Variants in ANKH observed in about 807,000 individuals in gnomAD.
ANKH encodes ANKH inorganic pyrophosphate transport regulator, also known as mineralization regulator ANKH.
In ANKH, 15 loss-of-function variants were observed where a neutral mutation model predicts 49.0. That is an observed-to-expected ratio of 0.31 (90% CI 0.20 to 0.47). The LOEUF (loss-of-function observed/expected upper bound fraction) is 0.47, where lower values mean the gene tolerates loss of function less well. Among genes scored for constraint, ANKH ranks in the 20% least tolerant of loss-of-function variants. ANKH has a pLI of 1.00. For missense variants in ANKH, 429 were observed against 652.0 expected (o/e 0.66, Z 3.72); for synonymous variants, 273 against 260.0 (o/e 1.05, Z -0.48).
chr5:14,798,671 A>G (rs1011291850), intron 1 of ANKH, among the ~76,000 whole-genome samples: 11 of 152,160 alleles, frequency 7.2e-5, no homozygotes, highest in African/African-American at 2.7e-4. Context: ...GATGTGTGAT[A>G]GGTGATCTTT....
At chr5:14,833,605 G>T (rs780698032) in intron 1 of ANKH, among the ~76,000 whole-genome samples, 6 of 152,194 alleles carry the variant, frequency 3.9e-5, no homozygotes, top group Non-Finnish European at 8.8e-5. Context: ...GGGTGAAAAA[G>T]GCTGCTGCAC....
chr5:14,773,613 T>C (rs776483380), intron 1 of ANKH, among the ~76,000 whole-genome samples: 59 of 152,338 alleles, frequency 3.9e-4, no homozygotes, highest in Admixed American at 3.9e-3. Flanking sequence ...AGTTGGAATC[T>C]GCTTCTATCA....
intron 1 of ANKH, among the ~76,000 whole-genome samples, chr5:14,802,521 C>T (rs149342277): frequency 1.4e-4 from 22 of 152,210 alleles, no homozygotes; most frequent in East Asian, 3.9e-4. Context: ...TCTGAAGATG[C>T]GGCTCTGACC....
intron 8 of ANKH, 73 bp downstream of exon 8, chr5:14,741,754 C>T: frequency 9.2e-7 from 1 of 1,084,902 alleles, no homozygotes; most frequent in Admixed American, 1.9e-5. Flanking sequence ...AAGATTTCCC[C>T]CTTTAAAATA....
intron 2 of ANKH, among the ~76,000 whole-genome samples, chr5:14,763,989 T>C (rs1678271870): frequency 6.6e-6 from 1 of 151,984 alleles, no homozygotes; most frequent in Non-Finnish European, 1.5e-5. Flanking sequence ...CTTGGGAGGC[T>C]GAGGCAGGAG....
At chr5:14,835,749 C>T (rs965018496) in intron 1 of ANKH, among the ~76,000 whole-genome samples, 2 of 152,122 alleles carry the variant, frequency 1.3e-5, no homozygotes, top group African/African-American at 4.8e-5. Context: ...AGATGGAATC[C>T]TCCCTAACTC....
Position 14,713,856 on chromosome 5 carries a change from G to A in ANKH, c.1142-189C>T, listed in dbSNP as rs1352329095. Among the ~76,000 whole-genome samples, 4 of 152,152 alleles carry A rather than the reference G, an allele frequency of 2.6e-5. No individual in the cohort carries two copies. The highest frequency in any genetic ancestry group is 3.9e-4 in the East Asian group (2 of 5,192). Reference sequence around the variant, plus strand: ...CTGCTCCTGAGCCTAGGCCCGCCTCGGCTCCCCGCCTCCTCACAGCCCTTT... The same window carrying A: ...CTGCTCCTGAGCCTAGGCCCGCCTCAGCTCCCCGCCTCCTCACAGCCCTTT... On this transcript the variant is annotated intron_variant, in intron 9 of 11. Transcript: ENST00000284268. This position sits in a 1 kb window ranked among gnomAD's most constrained non-coding sequence, Gnocchi z 4.4.
chr5:14,772,490 G>A (rs1441407968), intron 1 of ANKH, among the ~76,000 whole-genome samples: 3 of 151,928 alleles, frequency 2.0e-5, no homozygotes, highest in Non-Finnish European at 4.4e-5. Context: ...ACTAATAACG[G>A]TGAAAACTTC....
intron 9 of ANKH, among the ~76,000 whole-genome samples, chr5:14,715,660 T>C (rs1415136956): frequency 2.0e-5 from 3 of 152,230 alleles, no homozygotes; most frequent in Admixed American, 6.5e-5. Flanking sequence ...GAGTTACTTA[T>C]ACAAAAAGAA....
intron 1 of ANKH, among the ~76,000 whole-genome samples, chr5:14,805,825 A>G (rs1339299205): frequency 6.6e-6 from 1 of 152,040 alleles, no homozygotes; most frequent in Non-Finnish European, 1.5e-5. Context: ...CCAGTCTCAC[A>G]CTGGAGAGCA....
At chr5:14,743,441 G>A (rs575650595) in intron 7 of ANKH, among the ~76,000 whole-genome samples, 3 of 152,354 alleles carry the variant, frequency 2.0e-5, no homozygotes, top group Non-Finnish European at 2.9e-5. Context: ...AGCAGGTATT[G>A]TTAGATTAGC....
rs1386105945 is a variant in ANKH, at chr5:14,789,538, A to G, written c.97-20347T>C. On this transcript the variant is annotated intron_variant, in intron 1 of 11. Transcript: ENST00000284268. ...TAAAGTATTCAGTGTTTGGCTTGGT[A>G]ACCTCTCTTTAACACTAAGGAATAA... Among the ~76,000 whole-genome samples the G allele has an allele frequency of 2.6e-5, 4 of 151,888 alleles. No individual in the cohort carries two copies. The East Asian group carries it at 7.7e-4, about 29-fold the overall frequency.
intron 1 of ANKH, among the ~76,000 whole-genome samples, chr5:14,809,358 GA>G (rs1281804480): frequency 1.0e-4 from 10 of 95,368 alleles, no homozygotes; most frequent in African/African-American, 1.2e-4. Flanking sequence ...AAAAAAAAAA[GA>G]AAAAAAAAGA....
intron 8 of ANKH, among the ~76,000 whole-genome samples, chr5:14,736,936 C>T (rs1738206251): frequency 6.6e-6 from 1 of 152,190 alleles, no homozygotes; most frequent in African/African-American, 2.4e-5. Flanking sequence ...CCTCTCTTGG[C>T]ACTAACTCCC....
chr5:14,851,434 T>C (rs556379128), intron 1 of ANKH, among the ~76,000 whole-genome samples: 22 of 152,338 alleles, frequency 1.4e-4, no homozygotes, highest in African/African-American at 5.3e-4. Context: ...ACAGCCCCAC[T>C]CTTTTTATGG....
intron 1 of ANKH, among the ~76,000 whole-genome samples, chr5:14,810,153 C>T (rs1017150422): frequency 4.2e-5 from 6 of 143,578 alleles, no homozygotes; most frequent in Admixed American, 7.4e-5. Flanking sequence ...AGCATAAAAA[C>T]GATTGACTTT....
At chr5:14,717,991 G>T (rs1016479100) in intron 8 of ANKH, among the ~76,000 whole-genome samples, 2 of 152,130 alleles carry the variant, frequency 1.3e-5, no homozygotes, top group Admixed American at 1.3e-4. Context: ...TTGCATGTTC[G>T]GGCTTCTTTC....
chr5:14,785,458 C>T (rs186549232), intron 1 of ANKH, among the ~76,000 whole-genome samples: 158 of 152,250 alleles, frequency 1.0e-3, no homozygotes, highest in Admixed American at 2.6e-3. Flanking sequence ...GCCTACTCCC[C>T]GTTCACCTTC....
At chr5:14,738,087 A>C (rs140206204) in intron 8 of ANKH, among the ~76,000 whole-genome samples, 2 of 152,310 alleles carry the variant, frequency 1.3e-5, no homozygotes, top group African/African-American at 4.8e-5. Flanking sequence ...GCTTTTCTTA[A>C]AACCCAGTGA....
Sources: gnomAD v4.1 joint callset for allele counts (sites outside exome capture counted in the v4.1 genomes callset) on GRCh38, gnomAD v4.1.1 for gene constraint, Gnocchi (gnomAD v3.1) non-coding constraint, MANE v1.5 for transcripts, NCBI Gene and HGNC (gene_info 2026-07-23, HGNC 2026-07-21) for gene names.